Variants in AGBL1 observed in about 807,000 individuals in gnomAD.
AGBL1 encodes the protein cytosolic carboxypeptidase 4.
In AGBL1, 130 loss-of-function variants were observed where a neutral mutation model predicts 118.9. The ratio of observed to expected loss-of-function variants is 1.09; its 90% CI spans 0.95 to 1.26. AGBL1 has a LOEUF of 1.26. Ranked by LOEUF, AGBL1 falls within the 50% of genes most tolerant of loss-of-function variation. The pLI is 0.00. For synonymous variants in AGBL1, 555 were observed against 478.9 expected (o/e 1.16, Z -2.08); for missense variants, 1,584 against 1,298.1 (o/e 1.22, Z -3.38).
chr15:86,291,812 C>T (rs1412931496), intron 16 of AGBL1, among the ~76,000 whole-genome samples: 1 of 152,122 alleles, frequency 6.6e-6, no homozygotes, highest in Non-Finnish European at 1.5e-5. Context: ...GGGTATGTGG[C>T]TCCCTCCCAA....
In AGBL1 at chr15:86,727,420, T is replaced by A. The variant is rs185666289; in HGVS notation, c.3158+52984T>A. 6.1e-3 allele frequency among the ~76,000 whole-genome samples: 930 copies of A among 152,302 alleles called. 8 individuals carry two copies. The highest frequency in any genetic ancestry group is 0.021 in the African/African-American group (881 of 41,558). ...GGGAAAGAGATATCATTAATTTTTTTTAAATTTTAGTTTGATTCCCATTCT... is the reference window on the plus strand; with the variant it reads ...GGGAAAGAGATATCATTAATTTTTTATAAATTTTAGTTTGATTCCCATTCT... On this transcript the variant is annotated intron_variant, in intron 22 of 22. Transcript: ENST00000614907.
intron 1 of AGBL1, among the ~76,000 whole-genome samples, chr15:86,113,525 G>T (rs1045582659): frequency 6.6e-6 from 1 of 151,696 alleles, no homozygotes; most frequent in Non-Finnish European, 1.5e-5. Flanking sequence ...ACTTCAGGTG[G>T]TCCACCTGCC....
At chr15:86,900,086 T>A (rs1377447638) in intron 22 of AGBL1, among the ~76,000 whole-genome samples, 2 of 152,166 alleles carry the variant, frequency 1.3e-5, no homozygotes, top group African/African-American at 2.4e-5. Context: ...TTTGGACTCT[T>A]GGGCTTACAG....
chr15:86,309,801 T>A (rs891827306), intron 17 of AGBL1, among the ~76,000 whole-genome samples: 4 of 152,244 alleles, frequency 2.6e-5, no homozygotes, highest in African/African-American at 9.6e-5. Context: ...TGGTGTATGA[T>A]GTTTTAATGT....
intron 18 of AGBL1, among the ~76,000 whole-genome samples, chr15:86,431,285 T>C (rs1162144905): frequency 1.3e-5 from 2 of 152,218 alleles, no homozygotes; most frequent in Admixed American, 6.5e-5. Context: ...TTACATAAAA[T>C]TGAATAGCCC....
At chr15:86,984,882 C>T (rs2081266274) in intron 23 of AGBL1, among the ~76,000 whole-genome samples, 1 of 152,172 alleles carries the variant, frequency 6.6e-6, no homozygotes, top group Non-Finnish European at 1.5e-5. Flanking sequence ...AAAATACTTC[C>T]ATCCCTGCCT....
intron 6 of AGBL1, among the ~76,000 whole-genome samples, chr15:86,232,021 A>T (rs1597595029): frequency 6.6e-6 from 1 of 152,186 alleles, no homozygotes; most frequent in Non-Finnish European, 1.5e-5. Flanking sequence ...TGCTGCCCTG[A>T]GGCCGAGCCT....
intron 17 of AGBL1, among the ~76,000 whole-genome samples, chr15:86,305,969 A>T (rs2141812468): frequency 6.6e-6 from 1 of 152,042 alleles, no homozygotes; most frequent in South Asian, 2.1e-4. Context: ...TGTCTTCTGC[A>T]TTTTTATACT....
intron 18 of AGBL1, among the ~76,000 whole-genome samples, chr15:86,496,062 C>T (rs1417626041): frequency 2.0e-5 from 3 of 151,852 alleles, no homozygotes; most frequent in African/African-American, 7.3e-5. Context: ...CTATCCAGAT[C>T]TTATCACAAA....
At chr15:86,842,592 C>A (rs1404127064) in intron 22 of AGBL1, among the ~76,000 whole-genome samples, 1 of 152,198 alleles carries the variant, frequency 6.6e-6, no homozygotes, top group Non-Finnish European at 1.5e-5. Flanking sequence ...ATGAAGAGGA[C>A]ATGGGCTCAT....
intron 19 of AGBL1, among the ~76,000 whole-genome samples, chr15:86,525,476 T>G (rs185087066): frequency 2.1e-4 from 32 of 152,292 alleles, no homozygotes; most frequent in Non-Finnish European, 7.4e-5. Context: ...TTACTGGATT[T>G]CAAGTTATAC....
chr15:86,563,121 G>A (rs1426791043), intron 21 of AGBL1, among the ~76,000 whole-genome samples: 1 of 151,964 alleles, frequency 6.6e-6, no homozygotes. Context: ...TTTTTTGAAG[G>A]GTTTTTTGTG....
At chr15:87,019,074 T>G (rs1441563963) in intron 24 of AGBL1, among the ~76,000 whole-genome samples, 1 of 152,050 alleles carries the variant, frequency 6.6e-6, no homozygotes, top group Non-Finnish European at 1.5e-5. Context: ...GAACTAGCTA[T>G]CCTAAATATA....
At chr15:86,980,704 G>T (rs187547059) in intron 23 of AGBL1, among the ~76,000 whole-genome samples, 1 of 152,084 alleles carries the variant, frequency 6.6e-6, no homozygotes, top group East Asian at 1.9e-4. Flanking sequence ...ACTAAATAGA[G>T]TCTTGCATCA....
At position 86,946,867 on chromosome 15, in the gene AGBL1, T is replaced by C. The variant is rs1277855433; in HGVS notation, c.3222-41120T>C. ...CCAAAAAAAAAAAAAAAAAACAAAATAGAAAAGAAAGAAAAAGAAATACTA... is the reference window on the plus strand; with the variant it reads ...CCAAAAAAAAAAAAAAAAAACAAAACAGAAAAGAAAGAAAAAGAAATACTA... On this transcript the variant is annotated intron_variant, in intron 23 of 24. Coordinates refer to the AGBL1 transcript ENST00000441037. Among the ~76,000 whole-genome samples the C allele has an allele frequency of 4.6e-3, 519 of 112,400 alleles. 3 individuals are homozygous for C. The highest frequency in any genetic ancestry group is 7.3e-3 in the Non-Finnish European group (369 of 50,220). The allele number at this position is 112,400 out of a possible 152,430, so 73.7% of individuals were successfully genotyped here. A position where few individuals can be genotyped will look rare whatever the true frequency, so the allele number is the denominator to read the frequency against.
At chr15:86,670,330 G>T (rs2085718595) in intron 21 of AGBL1, among the ~76,000 whole-genome samples, 1 of 151,934 alleles carries the variant, frequency 6.6e-6, no homozygotes, top group East Asian at 1.9e-4. Flanking sequence ...AAGGCCGGGT[G>T]CGGTGGCTCA....
intron 20 of AGBL1, among the ~76,000 whole-genome samples, chr15:86,549,984 C>A (rs1007197445): frequency 1.3e-5 from 2 of 151,858 alleles, no homozygotes; most frequent in South Asian, 4.2e-4. Flanking sequence ...GGATTGTCAG[C>A]AGATTTGAGA....
intron 2 of AGBL1, among the ~76,000 whole-genome samples, chr15:86,143,419 T>C (rs1018618247): frequency 6.6e-6 from 1 of 152,218 alleles, no homozygotes; most frequent in Admixed American, 6.5e-5. Flanking sequence ...TACATACATA[T>C]ACTGAATATT....
At chr15:87,031,388 G>A (rs183849965), downstream of AGBL1, among the ~76,000 whole-genome samples, 27 of 151,896 alleles carry the variant, frequency 1.8e-4, no homozygotes, top group Non-Finnish European at 2.8e-4. Flanking sequence ...ATAAATATGT[G>A]GCTCCCTTAT....
Sources: allele counts gnomAD v4.1 joint callset (sites outside exome capture counted in the v4.1 genomes callset), GRCh38; gene constraint gnomAD v4.1.1; transcripts MANE v1.5; gene names NCBI Gene and HGNC (gene_info 2026-07-23, HGNC 2026-07-21).